The following BDP1 variants were observed in gnomAD, a reference collection of about 807,000 sequenced individuals.
The protein encoded by BDP1 is transcription factor TFIIIB component B'' homolog.
A neutral mutation model predicts 266.6 loss-of-function variants in BDP1; 169 were observed. The ratio of observed to expected loss-of-function variants is 0.63; its 90% CI spans 0.56 to 0.72. The LOEUF is 0.72. Ranked by LOEUF, BDP1 falls within the 30% of genes least tolerant of loss-of-function variation. The pLI, the probability that BDP1 is intolerant of heterozygous loss-of-function variation, is 0.00. For missense variants in BDP1, 3,015 were observed against 3,053.8 expected (o/e 0.99, Z 0.30); for synonymous variants, 1,090 against 1,022.4 (o/e 1.07, Z -1.26).
intron 16 of BDP1, among the ~76,000 whole-genome samples, chr5:71,507,373 G>C (rs765847916): frequency 2.0e-5 from 3 of 152,052 alleles, no homozygotes; most frequent in Non-Finnish European, 4.4e-5. Context: ...AGTTAATTCT[G>C]TACTTCTTTT....
intron 19 of BDP1, 41 bp downstream of exon 19, chr5:71,513,448 T>G (rs751593494): frequency 2.9e-5 from 37 of 1,278,782 alleles, no homozygotes; most frequent in Non-Finnish European, 3.8e-5. Flanking sequence ...GGGTGTTTTT[T>G]TTTTTTTTTA....
intron 16 of BDP1, among the ~76,000 whole-genome samples, chr5:71,505,514 G>A (rs1764529705): frequency 6.6e-6 from 1 of 151,936 alleles, no homozygotes; most frequent in Non-Finnish European, 1.5e-5. Context: ...TTCCTTGGAG[G>A]GTACCAAGCC....
intron 38 of BDP1, among the ~76,000 whole-genome samples, chr5:71,563,988 G>GT (rs1399428223): frequency 4.6e-5 from 7 of 152,104 alleles, no homozygotes; most frequent in African/African-American, 1.7e-4. Context: ...TTATAGTAGA[G>GT]TTTTTTAAAA....
At chr5:71,516,389 G>C (rs1765224501) in intron 21 of BDP1, 118 bp downstream of exon 21, 2 of 690,502 alleles carry the variant, frequency 2.9e-6, no homozygotes, top group Middle Eastern at 4.3e-4. Flanking sequence ...AATGAATACA[G>C]TTTCCAGTTT....
chr5:71,547,531 A>G (rs1178153402), intron 32 of BDP1, among the ~76,000 whole-genome samples: 1 of 152,172 alleles, frequency 6.6e-6, no homozygotes, highest in African/African-American at 2.4e-5. Flanking sequence ...CATCTTTTCC[A>G]TTCTGTATTA....
chr5:71,555,504 A>C (rs1247922250), intron 35 of BDP1, among the ~76,000 whole-genome samples: 1 of 148,250 alleles, frequency 6.7e-6, no homozygotes, highest in Admixed American at 6.8e-5. Flanking sequence ...CAATAGCGTG[A>C]TCTCAGCTCA....
the BDP1 span, among the ~76,000 whole-genome samples, chr5:71,574,372 C>A: frequency 6.6e-6 from 1 of 152,308 alleles, no homozygotes; most frequent in South Asian, 2.1e-4. Context: ...TGTCAGGAAA[C>A]GAGACGGGGC....
At chr5:71,551,001 T>C (rs1186432103) in intron 34 of BDP1, among the ~76,000 whole-genome samples, 1 of 152,212 alleles carries the variant, frequency 6.6e-6, no homozygotes, top group Non-Finnish European at 1.5e-5. Flanking sequence ...CCACTGCGCC[T>C]GGACTAGAAG....
At chr5:71,471,911 A>C (rs1170121574) in intron 7 of BDP1, among the ~76,000 whole-genome samples, 1 of 152,200 alleles carries the variant, frequency 6.6e-6, no homozygotes, top group Non-Finnish European at 1.5e-5. Flanking sequence ...CAGTGTAATG[A>C]AATAGTCTTG....
chr5:71,456,808 T>C (rs1466730995), intron 1 of BDP1, among the ~76,000 whole-genome samples: 1 of 152,170 alleles, frequency 6.6e-6, no homozygotes, highest in Non-Finnish European at 1.5e-5. Flanking sequence ...TTTAGAAAGG[T>C]GATGGAGTAA....
intron 25 of BDP1, among the ~76,000 whole-genome samples, chr5:71,525,570 C>G (rs1453461595): frequency 8.3e-5 from 4 of 48,432 alleles, no homozygotes; most frequent in African/African-American, 1.4e-4. Flanking sequence ...CCGGATGGGG[C>G]GGCTGGCCGG....
At chr5:71,497,724 C>G (rs1763978061) in intron 13 of BDP1, among the ~76,000 whole-genome samples, 1 of 151,828 alleles carries the variant, frequency 6.6e-6, no homozygotes, top group African/African-American at 2.4e-5. Context: ...AAATTCTGCC[C>G]ACAACATTCT....
chr5:71,481,169 G>A (rs181123488), intron 7 of BDP1, among the ~76,000 whole-genome samples: 40 of 149,348 alleles, frequency 2.7e-4, no homozygotes, highest in African/African-American at 7.6e-4. Flanking sequence ...GCAAGATTCC[G>A]TCTCAAAAAA....
chr5:71,513,042 G>GA (rs1309825484), intron 18 of BDP1, 143 bp from the exon 19 acceptor site: 1 of 567,238 alleles, frequency 1.8e-6, no homozygotes, highest in African/African-American at 2.3e-5. Context: ...CAGCCTGGGG[G>GA]ATAGAACAAG....
chr5:71,529,242 T>G (rs954414027), intron 25 of BDP1, among the ~76,000 whole-genome samples: 15 of 151,954 alleles, frequency 9.9e-5, no homozygotes, highest in Non-Finnish European at 1.5e-5. Context: ...ATACAAAAAT[T>G]TGCTGGGCGT....
chr5:71,456,299 C>G (rs1416041064), intron 1 of BDP1, among the ~76,000 whole-genome samples: 1 of 152,216 alleles, frequency 6.6e-6, no homozygotes, highest in Admixed American at 6.5e-5. Context: ...TCTATAGATT[C>G]TCCGAGAGGA....
chr5:71,546,631 A>C (rs1252159841), intron 32 of BDP1, among the ~76,000 whole-genome samples: 1 of 150,888 alleles, frequency 6.6e-6, no homozygotes, highest in Non-Finnish European at 1.5e-5. Context: ...AAAAAAAAAA[A>C]AAAAAAAAAA....
intron 5 of BDP1, among the ~76,000 whole-genome samples, chr5:71,466,920 A>G (rs962626255): frequency 1.3e-5 from 2 of 152,190 alleles, no homozygotes; most frequent in Non-Finnish European, 2.9e-5. Flanking sequence ...TTAGTTTGTG[A>G]TGATGATTTT....
chr5:71,461,472 A>G (rs376203166), intron 2 of BDP1, among the ~76,000 whole-genome samples: 2 of 150,674 alleles, frequency 1.3e-5, no homozygotes, highest in South Asian at 2.1e-4. Context: ...AAAATTAGCC[A>G]GGTGTTAGGC....
Sources: gnomAD v4.1 joint callset for allele counts (sites outside exome capture counted in the v4.1 genomes callset) on GRCh38, gnomAD v4.1.1 for gene constraint, MANE v1.5 for transcripts, NCBI Gene and HGNC (gene_info 2026-07-23, HGNC 2026-07-21) for gene names.